Variants in RNF121 observed in about 807,000 individuals in gnomAD.
RNF121 encodes the protein E3 ubiquitin ligase RNF121.
Under a neutral mutation model 46.5 loss-of-function variants are expected in RNF121, and 21 were observed. The observed-to-expected ratio is 0.45, with a 90% confidence interval of 0.32 to 0.65. The LOEUF (loss-of-function observed/expected upper bound fraction) is 0.65. RNF121 is among the 30% of genes least tolerant of loss of function. RNF121 has a pLI of 0.04. For synonymous variants in RNF121, 139 were observed against 144.7 expected, an observed-to-expected ratio of 0.96 and a Z score of 0.28; for missense variants, 346 against 416.0, an observed-to-expected ratio of 0.83 and a Z score of 1.46.
rs1309305336 is a variant in RNF121 at position 71,950,202 on chromosome 11, A to G, written c.64-7025A>G. On this transcript the variant is annotated intron_variant, in intron 1 of 8. Transcript: ENST00000361756. Reference sequence around the variant, plus strand: ...GGTTTCAGAGTTTAGGGCCCTTTACAGTTAGCAGATACTTGAAGCCAGGGT... The same window carrying G: ...GGTTTCAGAGTTTAGGGCCCTTTACGGTTAGCAGATACTTGAAGCCAGGGT... Among the ~76,000 whole-genome samples the G allele has an allele frequency of 2.6e-5, 4 of 152,164 alleles. No homozygotes were observed. In the East Asian group the frequency reaches 7.7e-4, roughly 29 times the overall value.
chr11:71,978,068 G>T (rs746124556), intron 3 of RNF121: 4 of 299,966 alleles, frequency 1.3e-5, no homozygotes, highest in South Asian at 4.8e-5. Context: ...AAAATTTTTT[G>T]TATTTTTTTT....
chr11:71,982,700 A>G, intron 3 of RNF121, 61 bp from the exon 4 acceptor site: 1 of 1,511,638 alleles, frequency 6.6e-7, no homozygotes, highest in East Asian at 2.4e-5. Flanking sequence ...TGCATTTGGG[A>G]CTGTGGACAG....
At chr11:71,976,997 C>G (rs1954539289) in intron 3 of RNF121, among the ~76,000 whole-genome samples, 1 of 152,134 alleles carries the variant, frequency 6.6e-6, no homozygotes, top group South Asian at 2.1e-4. Context: ...TTGGGAGGTT[C>G]TTTGTGTTTT....
intron 1 of RNF121, among the ~76,000 whole-genome samples, chr11:71,949,918 T>G (rs1953826139): frequency 6.6e-6 from 1 of 151,680 alleles, no homozygotes; most frequent in South Asian, 2.1e-4. Context: ...AGAGAATTGC[T>G]TAAACCTGGG....
intron 8 of RNF121, 87 bp from the exon 9 acceptor site, chr11:71,996,107 TG>T: frequency 6.7e-7 from 1 of 1,499,244 alleles, no homozygotes; most frequent in Non-Finnish European, 9.1e-7. Flanking sequence ...AGCTGGAAAG[TG>T]GGGCAGACCC....
At chr11:71,990,258 TCCCCAC>T (rs1242303076) in intron 5 of RNF121, among the ~76,000 whole-genome samples, 2 of 151,764 alleles carry the variant, frequency 1.3e-5, no homozygotes, top group Non-Finnish European at 2.9e-5. Context: ...AACAGTGGAG[TCCCCAC>T]TATGTAGGTC....
intron 1 of RNF121, among the ~76,000 whole-genome samples, chr11:71,937,041 A>G (rs1953432796): frequency 6.6e-6 from 1 of 152,218 alleles, no homozygotes; most frequent in African/African-American, 2.4e-5. Flanking sequence ...CCCTATCAGT[A>G]TTTGTTTATA....
intron 8 of RNF121, 152 bp downstream of exon 8, chr11:71,995,703 C>T: frequency 1.5e-6 from 1 of 647,576 alleles, no homozygotes; most frequent in South Asian, 1.8e-5. Context: ...TAGTCCTGCC[C>T]CCATGATACA....
intron 1 of RNF121, among the ~76,000 whole-genome samples, chr11:71,941,996 G>A (rs1035983576): frequency 2.0e-5 from 3 of 149,180 alleles, no homozygotes; most frequent in Non-Finnish European, 3.0e-5. Flanking sequence ...GCAGTAGCGC[G>A]ATCTTGGCTC....
chr11:71,996,310 G>T lies in RNF121; in HGVS notation c.979G>T (p.Glu327Ter). 1 of 1,614,076 alleles carries T rather than the reference G, an allele frequency of 6.2e-7. No individual in the cohort carries two copies. The highest frequency in any genetic ancestry group is 8.5e-7 in the Non-Finnish European group (1 of 1,179,986). Residue 327 changes from glutamate (E) to a stop codon, truncating the protein, a stop_gained, in exon 9 of 9, where the codon GAA becomes TAA. Coordinates refer to ENST00000361756, the MANE Select transcript of RNF121 (RefSeq NM_018320.5). LOFTEE classifies it high-confidence loss of function. ...AGGCATCAACTACATCCTGGGCCTGGAATAGTGATGAAGAGCATCAGTGGA... is the reference window on the plus strand; with the variant it reads ...AGGCATCAACTACATCCTGGGCCTGTAATAGTGATGAAGAGCATCAGTGGA... ...VQGINYILGL[E>*] is the part of the protein sequence containing the mutation.
intron 1 of RNF121, among the ~76,000 whole-genome samples, chr11:71,931,195 C>T (rs567475752): frequency 3.0e-4 from 46 of 152,256 alleles, no homozygotes; most frequent in African/African-American, 1.1e-3. Context: ...TTCTTTATTG[C>T]TTGAAGGACT....
intron 6 of RNF121, among the ~76,000 whole-genome samples, chr11:71,992,898 C>T (rs1198545500): frequency 1.3e-5 from 2 of 152,018 alleles, no homozygotes; most frequent in African/African-American, 4.8e-5. Flanking sequence ...AGTATGTTCT[C>T]TTTGTAATTA....
chr11:71,933,875 G>T (rs1953334933), intron 1 of RNF121, among the ~76,000 whole-genome samples: 1 of 152,206 alleles, frequency 6.6e-6, no homozygotes, highest in South Asian at 2.1e-4. Context: ...GGATGTTTGT[G>T]ATATGCCAGC....
At chr11:71,935,881 T>C (rs1953393119) in intron 1 of RNF121, among the ~76,000 whole-genome samples, 1 of 146,092 alleles carries the variant, frequency 6.8e-6, no homozygotes, top group African/African-American at 2.5e-5. Flanking sequence ...ATGGAGTGTC[T>C]CTGTTGTCCA....
intron 3 of RNF121, among the ~76,000 whole-genome samples, chr11:71,972,274 G>C (rs1324350196): frequency 6.6e-6 from 1 of 152,178 alleles, no homozygotes; most frequent in African/African-American, 2.4e-5. Flanking sequence ...GAATCAGGAA[G>C]ACTCCCCGGA....
intron 1 of RNF121, 85 bp from the exon 2 acceptor site, chr11:71,957,142 G>A: frequency 1.1e-6 from 1 of 874,578 alleles, no homozygotes; most frequent in Non-Finnish European, 2.0e-6. Context: ...ATTCCTTGAA[G>A]ATACTGATAA....
intron 1 of RNF121, among the ~76,000 whole-genome samples, chr11:71,942,772 G>A (rs1210731360): frequency 2.1e-4 from 4 of 18,928 alleles, no homozygotes; most frequent in African/African-American, 3.4e-4. Context: ...CTATATATCT[G>A]TATATATATA....
At chr11:71,959,705 G>T (rs1375137495) in intron 2 of RNF121, among the ~76,000 whole-genome samples, 2 of 142,606 alleles carry the variant, frequency 1.4e-5, no homozygotes, top group African/African-American at 5.3e-5. Context: ...TTGCGATCTT[G>T]GCTGACTGCA....
At chr11:71,967,337 TG>T (rs1225289395) in intron 3 of RNF121, among the ~76,000 whole-genome samples, 13 of 133,054 alleles carry the variant, frequency 9.8e-5, no homozygotes, top group South Asian at 2.4e-4. Context: ...AATAATTATG[TG>T]GGTTTTTTTT....
Sources: allele counts gnomAD v4.1 joint callset (sites outside exome capture counted in the v4.1 genomes callset), GRCh38; gene constraint gnomAD v4.1.1; transcripts MANE v1.5; gene names NCBI Gene and HGNC (gene_info 2026-07-23, HGNC 2026-07-21).